DYNLT3: variants seen among roughly 807,000 people sequenced by gnomAD.
DYNLT3 encodes the protein dynein light chain Tctex-type 3.
Under a neutral mutation model 11.0 loss-of-function variants are expected in DYNLT3, and 4 were observed. The ratio of observed to expected loss-of-function variants is 0.36; its 90% CI spans 0.18 to 0.83. The LOEUF (loss-of-function observed/expected upper bound fraction) is 0.83, where lower values mean the gene tolerates loss of function less well. DYNLT3 is among the 40% of genes least tolerant of loss of function. The pLI, the probability that DYNLT3 is intolerant of heterozygous loss-of-function variation, is 0.47. For missense variants in DYNLT3, 91 were observed against 91.1 expected, an observed-to-expected ratio of 1.00 and a Z score of 0.01; for synonymous variants, 37 against 31.2, an observed-to-expected ratio of 1.18 and a Z score of -0.61.
chrX:37,846,426 T>C (rs930974194), intron 1 of DYNLT3, 68 bp from the exon 2 acceptor site: 31 of 1,089,315 alleles, frequency 2.8e-5, no homozygotes, highest in Non-Finnish European at 3.7e-5. Flanking sequence ...ACACAGAATA[T>C]CCTAGGCTGG....
At chrX:37,841,230 A>C (rs1289776477) in intron 3 of DYNLT3, 125 bp from the exon 4 acceptor site, 2 of 500,815 alleles carry the variant, frequency 4.0e-6, no homozygotes, top group Non-Finnish European at 3.2e-6. Flanking sequence ...CAAACAAAAA[A>C]CAGAAAACAA....
rs988913740 is a variant in DYNLT3 at position 37,841,738 on chromosome X, T to C, written c.196+44A>G. The stretch of plus-strand genomic sequence containing the variant: ...TCTCAAAATTCAGAGAAAATCACAA[T>C]GACAAAAGCAAGTGAACTAGTGAGG... On this transcript the variant is annotated intron_variant, in intron 3 of 4. Transcript: ENST00000378578. 4 of 1,114,577 alleles carry C rather than the reference T, an allele frequency of 3.6e-6. No homozygotes were observed. In the South Asian group the frequency reaches 9.8e-5, roughly 27 times the overall value. 91.9% of individuals were successfully genotyped at this position (1,114,577 alleles called of 1,213,427 possible). A position where few individuals can be genotyped will look rare whatever the true frequency, so the allele number is the denominator to read the frequency against.
At chrX:37,840,931 C>A in intron 4 of DYNLT3, 97 bp downstream of exon 4, 2 of 906,137 alleles carry the variant, frequency 2.2e-6, no homozygotes, top group Non-Finnish European at 1.6e-6. Flanking sequence ...ATAGTCTTTT[C>A]AGAATTTAAT....
intron 2 of DYNLT3, among the ~76,000 whole-genome samples, chrX:37,845,317 CT>C (rs1301831590): frequency 1.1e-4 from 12 of 112,315 alleles, no homozygotes; most frequent in Non-Finnish European, 2.1e-4. Context: ...TTAATTCTAG[CT>C]GTGTAAGGCC....
intron 2 of DYNLT3, among the ~76,000 whole-genome samples, chrX:37,842,774 T>G (rs144658647): frequency 0.013 from 1,403 of 112,052 alleles, 31 homozygotes; most frequent in African/African-American, 0.043. Flanking sequence ...GAATACCAAG[T>G]GCTCAAACAG....
At chrX:37,840,876 C>G in intron 4 of DYNLT3, 152 bp downstream of exon 4, 1 of 572,430 alleles carries the variant, frequency 1.7e-6, no homozygotes, top group Non-Finnish European at 2.7e-6. Context: ...CATTTCATAT[C>G]GGTCTGAAGG....
intron 3 of DYNLT3, 71 bp downstream of exon 3, chrX:37,841,711 C>G: frequency 1.9e-6 from 2 of 1,068,192 alleles, no homozygotes; most frequent in South Asian, 5.6e-5. Context: ...GTACATATAC[C>G]TTCTCAAAAT....
chrX:37,840,464 C>A lies in DYNLT3; in HGVS notation c.*111G>T, dbSNP rs1479397972. On this transcript the variant is annotated 3_prime_UTR_variant, in exon 5 of 5. Transcript: ENST00000378578. The stretch of plus-strand genomic sequence containing the variant: ...TCAGTTTTTGTTGATAGCTTTAAAG[C>A]ATATTGCACGCTTTTCATCTAGCAC... 6 of 604,401 alleles carry A rather than the reference C, an allele frequency of 9.9e-6. No individual in the cohort carries two copies. The highest frequency in any genetic ancestry group is 1.4e-5 in the Non-Finnish European group (6 of 416,906). The allele number at this position is 604,401 out of a possible 1,213,427, so 49.8% of individuals were successfully genotyped here.
chrX:37,841,231 C>A, intron 3 of DYNLT3, 126 bp from the exon 4 acceptor site: 1 of 498,394 alleles, frequency 2.0e-6, no homozygotes. Context: ...AAACAAAAAA[C>A]AGAAAACAAA....
intron 3 of DYNLT3, among the ~76,000 whole-genome samples, chrX:37,841,419 C>T (rs1930155937): frequency 9.0e-6 from 1 of 110,977 alleles, no homozygotes. Context: ...AATTCAGACA[C>T]AGAAATGCAG....
At position 37,847,570 on chromosome X, in the gene DYNLT3, C is replaced by T; in HGVS notation, c.-60G>A. On this transcript the variant is annotated 5_prime_UTR_variant, in exon 1 of 5. It adds an upstream start codon to the 5' untranslated region. Coordinates refer to ENST00000378578, the MANE Select transcript of DYNLT3 (RefSeq NM_006520.3). ...GCCGGTAGAGCACCGCGGCCGCGCA[C>T]TGGCCTCCGGGGAGGCCCCACCCCC... 1 of 950,074 alleles carries T rather than the reference C, an allele frequency of 1.1e-6. No homozygotes were observed. The allele number at this position is 950,074 out of a possible 1,213,427, so 78.3% of individuals were successfully genotyped here. A position where few individuals can be genotyped will look rare whatever the true frequency, so the allele number is the denominator to read the frequency against.
chrX:37,840,762 ACACACACAC>A (rs1569481824), intron 4 of DYNLT3, 111 bp from the exon 5 acceptor site: 144 of 315,295 alleles, frequency 4.6e-4, no homozygotes, highest in African/African-American at 3.8e-3. Flanking sequence ...ACACACACAC[ACACACACAC>A]ACACACACAC....
chrX:37,843,410 A>C (rs750600527), intron 2 of DYNLT3, among the ~76,000 whole-genome samples: 10 of 112,395 alleles, frequency 8.9e-5, no homozygotes, highest in African/African-American at 2.9e-4. Flanking sequence ...CACTGTAAAT[A>C]GCCCTGCTAA....
intron 1 of DYNLT3, among the ~76,000 whole-genome samples, chrX:37,846,673 G>A (rs1298415793): frequency 1.8e-5 from 2 of 111,702 alleles, no homozygotes; most frequent in African/African-American, 3.3e-5. Flanking sequence ...AGGTGACTAT[G>A]AGGATGTTAT....
chrX:37,847,546 C>T lies in DYNLT3; in HGVS notation c.-36G>A, dbSNP rs946795064. 5 of 962,918 alleles carry T rather than the reference C, an allele frequency of 5.2e-6. No individual in the cohort carries two copies. Among genetic ancestry groups the T allele is most frequent in the Non-Finnish European group, 5.2e-6 (4 of 765,422 alleles). The allele number at this position is 962,918 out of a possible 1,213,427, so 79.4% of individuals were successfully genotyped here. ...GCTCTCCCTGGGGCGGAGCGACACG[C>T]CGGTAGAGCACCGCGGCCGCGCACT... On this transcript the variant is annotated 5_prime_UTR_variant, in exon 1 of 5. Coordinates refer to ENST00000378578, the MANE Select transcript of DYNLT3 (RefSeq NM_006520.3).
rs756508167 is a variant in DYNLT3 at position 37,847,532 on chromosome X, G to A, written c.-22C>T. ...CCATGGTAGCGCCGGCTCTCCCTGG[G>A]GCGGAGCGACACGCCGGTAGAGCAC... On this transcript the variant is annotated 5_prime_UTR_variant, in exon 1 of 5. Coordinates refer to ENST00000378578, the MANE Select transcript of DYNLT3 (RefSeq NM_006520.3). 4.9e-5 allele frequency: 47 copies of A among 967,867 alleles called. No individual in the cohort carries two copies. Among genetic ancestry groups the A allele is most frequent in the Non-Finnish European group, 5.7e-5 (44 of 768,951 alleles). 79.8% of individuals were successfully genotyped at this position (967,867 alleles called of 1,213,427 possible).
rs779916659 is a variant in DYNLT3 at position 37,846,363 on chromosome X, A to G, written c.31-5T>C. 8.3e-7 allele frequency: 1 copy of G among 1,204,608 alleles called. No individual in the cohort carries two copies. Among genetic ancestry groups the G allele is most frequent in the Non-Finnish European group, 1.1e-6 (1 of 891,917 alleles). ...TTCCTCAGCATTGAAGCCAACCTAA[A>G]GGGAAAACAAAAGGTAAAGCTGCTT... On this transcript the variant is annotated splice_polypyrimidine_tract_variant and splice_region_variant and intron_variant, in intron 1 of 4. Transcript: ENST00000378578.
At chrX:37,842,836 C>A (rs754017626) in intron 2 of DYNLT3, among the ~76,000 whole-genome samples, 2 of 112,058 alleles carry the variant, frequency 1.8e-5, no homozygotes, top group African/African-American at 6.5e-5. Flanking sequence ...TATCATATTG[C>A]TGCTGTTATA....
rs777015433 is a variant in DYNLT3 at position 37,841,080 on chromosome X, G to A, written c.222C>T (p.Ser74=). 29 of 1,207,840 alleles carry A rather than the reference G, an allele frequency of 2.4e-5. No homozygotes were observed. The Admixed American group carries it at 4.0e-4, about 16-fold the overall frequency. Reference sequence around the variant, plus strand: ...AGCTGGCTGTGTGAAAGCCATATGCGCTCTTCTGGACCACTGCACAGGTCA... The same window carrying A: ...AGCTGGCTGTGTGAAAGCCATATGCACTCTTCTGGACCACTGCACAGGTCA... ...YIVTCAVVQK[S]AYGFHTASSC... The change falls in exon 4 of 5, where the codon AGC becomes AGT. Residue 74 remains serine, a synonymous_variant. Coordinates refer to ENST00000378578, the MANE Select transcript of DYNLT3 (RefSeq NM_006520.3).
Sources: gnomAD v4.1 joint callset for allele counts (sites outside exome capture counted in the v4.1 genomes callset) on GRCh38, gnomAD v4.1.1 for gene constraint, MANE v1.5 for transcripts, NCBI Gene and HGNC (gene_info 2026-07-23, HGNC 2026-07-21) for gene names.